LRRC4C: variants seen among roughly 807,000 people sequenced by gnomAD.
The protein encoded by LRRC4C is leucine rich repeat containing 4C.
LRRC4C carries 5 observed loss-of-function variants against 33.6 expected under a neutral mutation model. The ratio of observed to expected loss-of-function variants is 0.15; its 90% CI spans 0.08 to 0.31. The LOEUF is 0.31. Among genes scored for constraint, LRRC4C ranks in the 10% least tolerant of loss-of-function variants. The pLI is 1.00. For missense variants in LRRC4C, 560 were observed against 796.7 expected, an observed-to-expected ratio of 0.70 and a Z score of 3.58; for synonymous variants, 329 against 302.0, an observed-to-expected ratio of 1.09 and a Z score of -0.93.
chr11:40,602,649 A>G (rs951874165), intron 3 of LRRC4C, among the ~76,000 whole-genome samples: 4 of 152,210 alleles, frequency 2.6e-5, no homozygotes, highest in African/African-American at 9.6e-5. Context: ...AAAAGGAAAA[A>G]AGAGAAGGAA....
At chr11:40,224,541 T>C (rs1864650005) in intron 5 of LRRC4C, among the ~76,000 whole-genome samples, 2 of 152,232 alleles carry the variant, frequency 1.3e-5, no homozygotes, top group Non-Finnish European at 2.9e-5. Context: ...ATAAACCATA[T>C]TCTTAGTCTC....
Position 40,865,200 on chromosome 11 carries a change from C to T in LRRC4C, c.-407+68435G>A, listed in dbSNP as rs114942303. 4.5e-3 allele frequency among the ~76,000 whole-genome samples: 682 copies of T among 152,138 alleles called. 3 individuals are homozygous for T. The highest frequency in any genetic ancestry group is 0.015 in the African/African-American group (639 of 41,486). On this transcript the variant is annotated intron_variant, in intron 2 of 6. Coordinates refer to ENST00000528697, the MANE Select transcript of LRRC4C (RefSeq NM_001258419.2). ...CACAGCAATACATGCTGTCACCACACGATCTCACCCATATGTGCAAACTAA... is the reference window on the plus strand; with the variant it reads ...CACAGCAATACATGCTGTCACCACATGATCTCACCCATATGTGCAAACTAA...
chr11:41,396,296 T>C (rs961442444), intron 1 of LRRC4C, among the ~76,000 whole-genome samples: 3 of 152,048 alleles, frequency 2.0e-5, no homozygotes, highest in Non-Finnish European at 4.4e-5. Context: ...CTTTCAAAAA[T>C]AGGCATTGCT....
Position 40,115,779 on chromosome 11 carries a change from G to A in LRRC4C, c.514C>T (p.Pro172Ser). ...SIPSYAFNRI[P>S]SLRRLDLGEL... ...CCTAAGTCTAGTCGGCGCAAAGAAG[G>A]AATTCTGTTAAAAGCATAAGAAGGG... The change falls in exon 7 of 7, where the codon CCT (proline) becomes TCT (serine). Residue 172 changes from proline (P) to serine (S), a missense_variant. By Grantham distance (74) the Pro-to-Ser change is moderately conservative. This residue lies in a region of LRRC4C where 455 missense variants were observed against 643.8 expected (regional missense o/e 0.71). Coordinates refer to ENST00000528697, the MANE Select transcript of LRRC4C (RefSeq NM_001258419.2). This position sits in a 1 kb window ranked among gnomAD's most constrained non-coding sequence, Gnocchi z 6.7. 6.2e-7 allele frequency: 1 copy of A among 1,614,156 alleles called. No homozygotes were observed. Among genetic ancestry groups the A allele is most frequent in the Non-Finnish European group, 8.5e-7 (1 of 1,180,014 alleles).
intron 3 of LRRC4C, among the ~76,000 whole-genome samples, chr11:40,338,649 A>T (rs754707099): frequency 1.3e-5 from 2 of 152,214 alleles, no homozygotes; most frequent in Admixed American, 6.5e-5. Flanking sequence ...TCTTTTGGTA[A>T]TATTCTCATG....
At chr11:40,381,057 A>G (rs995443403) in intron 3 of LRRC4C, among the ~76,000 whole-genome samples, 8 of 152,184 alleles carry the variant, frequency 5.3e-5, no homozygotes, top group Non-Finnish European at 7.3e-5. Context: ...TTGGCCAAGA[A>G]TCTTATGACT....
chr11:41,160,634 T>C (rs777216275), intron 1 of LRRC4C, among the ~76,000 whole-genome samples: 26 of 152,300 alleles, frequency 1.7e-4, no homozygotes, highest in East Asian at 5.8e-4. Flanking sequence ...TATTCATTTA[T>C]TTAAGTAACA....
intron 3 of LRRC4C, among the ~76,000 whole-genome samples, chr11:40,571,306 C>T (rs1393279297): frequency 2.0e-5 from 3 of 151,966 alleles, no homozygotes; most frequent in East Asian, 1.9e-4. Flanking sequence ...ATGTTCATTG[C>T]CCACCGATGT....
At chr11:40,932,173 G>C (rs985025406) in intron 2 of LRRC4C, among the ~76,000 whole-genome samples, 2 of 152,122 alleles carry the variant, frequency 1.3e-5, no homozygotes, top group African/African-American at 2.4e-5. Context: ...ATCTTGGTGA[G>C]AGTAATTTAA....
Position 40,415,554 on chromosome 11 carries a change from G to A in LRRC4C, c.-269-95833C>T, listed in dbSNP as rs374114867. 1.5e-4 allele frequency among the ~76,000 whole-genome samples: 23 copies of A among 152,218 alleles called. No homozygotes were observed. The East Asian group carries it at 1.5e-3, about 10-fold the overall frequency. The stretch of plus-strand genomic sequence containing the variant: ...TTACACAATGACTGGGTAAACTAGC[G>A]TACTGATGGGCCTTAGAGGCAACAC... On this transcript the variant is annotated intron_variant, in intron 3 of 6. Coordinates refer to ENST00000528697, the MANE Select transcript of LRRC4C (RefSeq NM_001258419.2).
At chr11:41,292,895 G>A (rs931797114) in intron 1 of LRRC4C, among the ~76,000 whole-genome samples, 9 of 152,050 alleles carry the variant, frequency 5.9e-5, no homozygotes, top group African/African-American at 2.2e-4. Context: ...CTGTGAGTTG[G>A]CAATTTCTAA....
chr11:41,371,202 T>G (rs367662955), intron 1 of LRRC4C, among the ~76,000 whole-genome samples: 19 of 152,248 alleles, frequency 1.2e-4, no homozygotes, highest in East Asian at 5.8e-4. Context: ...ACAGTCACTC[T>G]TGGGAGCTAT....
intron 2 of LRRC4C, among the ~76,000 whole-genome samples, chr11:40,914,871 G>A (rs931424053): frequency 6.6e-6 from 1 of 152,140 alleles, no homozygotes; most frequent in African/African-American, 2.4e-5. Context: ...CAAAATCAAT[G>A]TACAAAAATC....
At chr11:40,987,921 G>T (rs1853190890) in intron 1 of LRRC4C, among the ~76,000 whole-genome samples, 2 of 151,852 alleles carry the variant, frequency 1.3e-5, no homozygotes, top group Admixed American at 1.3e-4. Context: ...ATTAAAAGAG[G>T]ATTTGCTAAG....
intron 2 of LRRC4C, among the ~76,000 whole-genome samples, chr11:40,721,835 G>C (rs1397479234): frequency 6.6e-6 from 1 of 152,170 alleles, no homozygotes; most frequent in Non-Finnish European, 1.5e-5. Flanking sequence ...CAGCTACACC[G>C]GAGGCTGAGG....
intron 2 of LRRC4C, among the ~76,000 whole-genome samples, chr11:40,710,967 G>A (rs1462984254): frequency 1.3e-5 from 2 of 152,086 alleles, no homozygotes; most frequent in Non-Finnish European, 2.9e-5. Flanking sequence ...CTAGCAGTGG[G>A]CAAGGCTCTG....
At chr11:41,184,255 G>GT (rs767718620) in intron 1 of LRRC4C, among the ~76,000 whole-genome samples, 14,031 of 147,694 alleles carry the variant, frequency 0.095, 721 homozygotes, top group African/African-American at 0.14. Context: ...CAGAAAATGC[G>GT]TTTTTTTTTT....
intron 2 of LRRC4C, among the ~76,000 whole-genome samples, chr11:40,841,979 C>G (rs951895270): frequency 2.6e-5 from 4 of 152,210 alleles, no homozygotes; most frequent in African/African-American, 9.6e-5. Flanking sequence ...TGTTCCCACT[C>G]TATTTCCCTT....
intron 3 of LRRC4C, among the ~76,000 whole-genome samples, chr11:40,325,779 A>C (rs1946070238): frequency 6.6e-6 from 1 of 152,220 alleles, no homozygotes; most frequent in Non-Finnish European, 1.5e-5. Flanking sequence ...TTTTCCAGCA[A>C]ATAAATGTGT....
Sources: gnomAD v4.1 joint callset for allele counts (sites outside exome capture counted in the v4.1 genomes callset) on GRCh38, gnomAD v4.1.1 for gene constraint, gnomAD v4.1.1 regional missense constraint, Gnocchi (gnomAD v3.1) non-coding constraint, MANE v1.5 for transcripts, NCBI Gene and HGNC (gene_info 2026-07-23, HGNC 2026-07-21) for gene names.